Variants in SKAP2 observed in about 807,000 individuals in gnomAD.
SKAP2 encodes src kinase-associated phosphoprotein 2.
Under a neutral mutation model 54.9 loss-of-function variants are expected in SKAP2, and 28 were observed. That is an observed-to-expected ratio of 0.51 (90% CI 0.38 to 0.70). The LOEUF (loss-of-function observed/expected upper bound fraction) is 0.70, where lower values mean the gene tolerates loss of function less well. Among genes scored for constraint, SKAP2 ranks in the 30% least tolerant of loss-of-function variants. The pLI is 0.00. For missense variants in SKAP2, 356 were observed against 424.1 expected, an observed-to-expected ratio of 0.84 and a Z score of 1.41; for synonymous variants, 137 against 134.3, an observed-to-expected ratio of 1.02 and a Z score of -0.14.
intron 9 of SKAP2, among the ~76,000 whole-genome samples, chr7:26,720,093 C>CA (rs1554296117): frequency 2.1e-5 from 3 of 146,272 alleles, no homozygotes; most frequent in Non-Finnish European, 4.5e-5. Context: ...CACACACACA[C>CA]ATCCCAGTTA....
chr7:26,791,711 A>G (rs1554301052), intron 4 of SKAP2, among the ~76,000 whole-genome samples: 1 of 152,256 alleles, frequency 6.6e-6, no homozygotes, highest in Non-Finnish European at 1.5e-5. Context: ...GAAAGGGACA[A>G]TACAAATGAA....
chr7:26,731,427 C>G (rs1386291540), intron 6 of SKAP2, among the ~76,000 whole-genome samples: 1 of 152,184 alleles, frequency 6.6e-6, no homozygotes, highest in African/African-American at 2.4e-5. Flanking sequence ...CTCTGCCTAT[C>G]TCTTAAAAAG....
chr7:26,727,045 G>C (rs1205355103), intron 6 of SKAP2, 39 bp from the exon 7 acceptor site: 1 of 1,468,022 alleles, frequency 6.8e-7, no homozygotes, highest in South Asian at 1.4e-5. Context: ...CATTTACTAA[G>C]TATTAATGCT....
chr7:26,794,988 T>C (rs922614293), intron 4 of SKAP2, among the ~76,000 whole-genome samples: 3 of 152,206 alleles, frequency 2.0e-5, no homozygotes, highest in Non-Finnish European at 4.4e-5. Context: ...CCTGGTGCCT[T>C]CCCTATTGAG....
intron 3 of SKAP2, among the ~76,000 whole-genome samples, chr7:26,848,542 T>C (rs1784974594): frequency 6.6e-6 from 1 of 152,140 alleles, no homozygotes; most frequent in South Asian, 2.1e-4. Flanking sequence ...TATATGCAAA[T>C]GTCCCAAAAT....
intron 4 of SKAP2, among the ~76,000 whole-genome samples, chr7:26,839,333 G>T (rs1784773566): frequency 6.6e-6 from 1 of 151,886 alleles, no homozygotes; most frequent in South Asian, 2.1e-4. Flanking sequence ...CAAAATACTT[G>T]AAACTGTGCT....
At chr7:26,825,100 A>T (rs1035528875) in intron 4 of SKAP2, among the ~76,000 whole-genome samples, 1 of 152,222 alleles carries the variant, frequency 6.6e-6, no homozygotes, top group African/African-American at 2.4e-5. Context: ...TAGCAAGAAC[A>T]CTATAAATCT....
Position 26,696,674 on chromosome 7 carries a change from A to T in SKAP2, c.797-6312T>A, listed in dbSNP as rs569058082. Among the ~76,000 whole-genome samples the T allele has an allele frequency of 1.5e-4, 23 of 152,350 alleles. No individual in the cohort carries two copies. The South Asian group carries it at 3.7e-3, about 25-fold the overall frequency. On this transcript the variant is annotated intron_variant, in intron 9 of 12. Coordinates refer to ENST00000345317, the MANE Select transcript of SKAP2 (RefSeq NM_003930.5). ...CCACAAAATCTAATTTTCACCTTTG[A>T]CATTCTATTATTCTAAGGTTTAATA... is the stretch of plus-strand genomic sequence containing the variant.
At chr7:26,797,978 G>C (rs1383928197) in intron 4 of SKAP2, among the ~76,000 whole-genome samples, 1 of 151,536 alleles carries the variant, frequency 6.6e-6, no homozygotes, top group Non-Finnish European at 1.5e-5. Context: ...TGAGCTTGAA[G>C]ACAGGCTATT....
chr7:26,723,696 T>C (rs1391907847), intron 9 of SKAP2, among the ~76,000 whole-genome samples: 1 of 150,260 alleles, frequency 6.7e-6, no homozygotes, highest in Non-Finnish European at 1.5e-5. Context: ...TCTTTATTCC[T>C]GATCAATTTT....
In SKAP2 at chr7:26,739,982, G is replaced by C; in HGVS notation, c.308-18C>G. 6.5e-7 allele frequency: 1 copy of C among 1,534,066 alleles called. No homozygotes were observed. Among genetic ancestry groups the C allele is most frequent in the Non-Finnish European group, 8.9e-7 (1 of 1,128,008 alleles). On this transcript the variant is annotated intron_variant, in intron 4 of 12. Transcript: ENST00000345317. Reference sequence around the variant, plus strand: ...CTGGGCTCCTATGAGAAGTTGGGGAGAGAAAAAAAAAAGCAGTGGGTAATC... The same window carrying C: ...CTGGGCTCCTATGAGAAGTTGGGGACAGAAAAAAAAAAGCAGTGGGTAATC...
intron 9 of SKAP2, among the ~76,000 whole-genome samples, chr7:26,720,067 C>G (rs970175126): frequency 3.2e-5 from 4 of 126,978 alleles, no homozygotes; most frequent in African/African-American, 1.1e-4. Context: ...CACACACACA[C>G]ACACACACAC....
At chr7:26,852,238 G>C (rs1001368625) in intron 3 of SKAP2, among the ~76,000 whole-genome samples, 3 of 152,110 alleles carry the variant, frequency 2.0e-5, no homozygotes, top group African/African-American at 7.2e-5. Context: ...TCAATGTAGA[G>C]ACCTGAAAAT....
intron 6 of SKAP2, among the ~76,000 whole-genome samples, chr7:26,737,371 TTAC>T (rs1787966020): frequency 1.3e-5 from 2 of 152,218 alleles, no homozygotes; most frequent in South Asian, 4.1e-4. Context: ...ACTGATGCCA[TTAC>T]TACATCTGAA....
chr7:26,761,112 T>A lies in SKAP2; in HGVS notation c.308-21148A>T, dbSNP rs141550100. 3.4e-3 allele frequency among the ~76,000 whole-genome samples: 520 copies of A among 152,152 alleles called. 5 individuals carry two copies. The highest frequency in any genetic ancestry group is 0.012 in the African/African-American group (489 of 41,532). Reference sequence around the variant, plus strand: ...AACGCAACTGGTCTTTAAAAATAAATCTGTAGTGAAGAAAAGAGAGGAAAG... The same window carrying A: ...AACGCAACTGGTCTTTAAAAATAAAACTGTAGTGAAGAAAAGAGAGGAAAG... On this transcript the variant is annotated intron_variant, in intron 4 of 12. Transcript: ENST00000345317.
At position 26,723,771 on chromosome 7, in the gene SKAP2, C is replaced by A. The variant is rs527613215; in HGVS notation, c.796+1657G>T. Among the ~76,000 whole-genome samples the A allele has an allele frequency of 2.0e-5, 3 of 151,870 alleles. 1 individual carries two copies. In the East Asian group the frequency reaches 5.8e-4, roughly 29 times the overall value. ...AAAATACAGAACTTAACAGTTATTTCAACAATTGTAATGTAACACATTCAT... is the reference window on the plus strand; with the variant it reads ...AAAATACAGAACTTAACAGTTATTTAAACAATTGTAATGTAACACATTCAT... On this transcript the variant is annotated intron_variant, in intron 9 of 12. Transcript: ENST00000345317.
At chr7:26,842,170 C>G (rs2127995362) in intron 4 of SKAP2, among the ~76,000 whole-genome samples, 1 of 151,514 alleles carries the variant, frequency 6.6e-6, no homozygotes, top group South Asian at 2.1e-4. Flanking sequence ...ATTTATATAT[C>G]AAAAATGAGT....
At position 26,799,756 on chromosome 7, in the gene SKAP2, C is replaced by T. The variant is rs117502514; in HGVS notation, c.307+44274G>A. Among the ~76,000 whole-genome samples, 362 of 152,290 alleles carry T rather than the reference C, an allele frequency of 2.4e-3. 1 individual carries two copies. Among genetic ancestry groups the T allele is most frequent in the South Asian group, 8.1e-3 (39 of 4,834 alleles). On this transcript the variant is annotated intron_variant, in intron 4 of 12. Coordinates refer to ENST00000345317, the MANE Select transcript of SKAP2 (RefSeq NM_003930.5). ...CATTTCATCCAAGAGCTGCAGAATA[C>T]GCATTCTTTTCTTCAGCACATGGAT...
Position 26,742,589 on chromosome 7 carries a change from T to A in SKAP2, c.308-2625A>T, listed in dbSNP as rs147690255. The A allele has an allele frequency of 1.6e-4, 25 of 152,284 alleles. No individual in the cohort carries two copies. The East Asian group carries it at 4.4e-3, about 27-fold the overall frequency. 9.4% of individuals were successfully genotyped at this position (152,284 alleles called of 1,614,324 possible). On this transcript the variant is annotated intron_variant, in intron 4 of 12. Coordinates refer to ENST00000345317, the MANE Select transcript of SKAP2 (RefSeq NM_003930.5). ...ATACTTGTTCTGAATTCTAAATTCATGTTTCTAATATAAAATCTTTGATTT... is the reference window on the plus strand; with the variant it reads ...ATACTTGTTCTGAATTCTAAATTCAAGTTTCTAATATAAAATCTTTGATTT...
Sources: gnomAD v4.1 joint callset for allele counts (sites outside exome capture counted in the v4.1 genomes callset) on GRCh38, gnomAD v4.1.1 for gene constraint, MANE v1.5 for transcripts, NCBI Gene and HGNC (gene_info 2026-07-23, HGNC 2026-07-21) for gene names.